The following CCDC62 variants were observed in gnomAD, a reference collection of about 807,000 sequenced individuals.
CCDC62 encodes coiled-coil domain-containing protein 62.
Under a neutral mutation model 80.8 loss-of-function variants are expected in CCDC62, and 72 were observed. The observed-to-expected ratio is 0.89, with a 90% CI of 0.74 to 1.08. The LOEUF (loss-of-function observed/expected upper bound fraction) is 1.08. CCDC62 is among the 50% of genes least tolerant of loss of function. CCDC62 has a pLI of 0.00. For synonymous variants in CCDC62, 286 were observed against 296.5 expected (o/e 0.96, Z 0.36); for missense variants, 704 against 809.4 (o/e 0.87, Z 1.58).
chr12:122,823,491 C>T lies in CCDC62; in HGVS notation c.*40+32C>T, dbSNP rs146352400. 3.7e-3 allele frequency: 3,690 copies of T among 1,008,764 alleles called. 12 individuals are homozygous for T. The highest frequency in any genetic ancestry group is 5.0e-3 in the Non-Finnish European group (3,192 of 636,562). The allele number at this position is 1,008,764 out of a possible 1,614,324, so 62.5% of individuals were successfully genotyped here. On this transcript the variant is annotated intron_variant, in intron 12 of 12. Coordinates refer to ENST00000253079, the MANE Select transcript of CCDC62 (RefSeq NM_201435.5). ...CACCTTTGCTTATCTCACCTTATAT[C>T]TCAATTAATATTTAATAAGTAACTT...
intron 4 of CCDC62, among the ~76,000 whole-genome samples, chr12:122,786,375 C>T (rs964921592): frequency 2.0e-5 from 3 of 151,944 alleles, no homozygotes; most frequent in Admixed American, 6.6e-5. Flanking sequence ...GTCTCGATCT[C>T]CTGACCTCGT....
rs759695202 is a variant in CCDC62, at chr12:122,813,275, A to G, written c.1857A>G (p.Ser619=). The part of the protein sequence containing the change: ...KDAPAFNEKA[S]IVLPSQDDFS... ...TGCCTCTTAATTTCCTGTAGGCTTC[A>G]ATTGTGTTACCCTCCCAGGATGATT... Residue 619 remains serine (S), a synonymous_variant, in exon 11 of 13, where the codon TCA becomes TCG. Transcript: ENST00000253079. 1 of 1,608,216 alleles carries G rather than the reference A, an allele frequency of 6.2e-7. No individual in the cohort carries two copies. The highest frequency in any genetic ancestry group is 8.5e-7 in the Non-Finnish European group (1 of 1,177,200).
chr12:122,817,707 T>A (rs1176320111), intron 11 of CCDC62, among the ~76,000 whole-genome samples: 1 of 152,202 alleles, frequency 6.6e-6, no homozygotes, highest in Non-Finnish European at 1.5e-5. Context: ...TCTCAACCTC[T>A]TTGTTAGGGT....
At chr12:122,796,771 A>G (rs898970269) in intron 6 of CCDC62, among the ~76,000 whole-genome samples, 4 of 152,144 alleles carry the variant, frequency 2.6e-5, no homozygotes, top group African/African-American at 9.7e-5. Flanking sequence ...TTTTAAATAA[A>G]TAATTGAAGT....
At chr12:122,810,921 C>CA (rs1271872502) in intron 10 of CCDC62, among the ~76,000 whole-genome samples, 6 of 142,652 alleles carry the variant, frequency 4.2e-5, no homozygotes, top group Non-Finnish European at 7.5e-5. Context: ...ATCACAAGGA[C>CA]AAAAAACCAA....
At chr12:122,777,242 G>T in intron 1 of CCDC62, 1 of 390,694 alleles carries the variant, frequency 2.6e-6, no homozygotes, top group African/African-American at 2.1e-5. Flanking sequence ...GTGGGTTTTA[G>T]AAACAGTCCC....
rs1033396585 is a variant in CCDC62, at chr12:122,774,592, G to T, written c.-79G>T. 1.5e-5 allele frequency: 17 copies of T among 1,122,072 alleles called. No homozygotes were observed. The highest frequency in any genetic ancestry group is 1.9e-5 in the Non-Finnish European group (17 of 880,914). The allele number at this position is 1,122,072 out of a possible 1,614,324, so 69.5% of individuals were successfully genotyped here. A position where few individuals can be genotyped will look rare whatever the true frequency, so the allele number is the denominator to read the frequency against. ...CCGGGGCTCCGGGCTCGCCCCCGCC[G>T]CTCGGGGCAGGCGCGCCGATGGCGT... On this transcript the variant is annotated 5_prime_UTR_variant, in exon 1 of 13. Transcript: ENST00000253079.
intron 10 of CCDC62, 21 bp from the exon 11 acceptor site, chr12:122,813,249 G>C (rs773073157): frequency 6.3e-7 from 1 of 1,584,792 alleles, no homozygotes; most frequent in Non-Finnish European, 8.6e-7. Context: ...GCATTTAAAG[G>C]TGCCTCTTAA....
chr12:122,810,485 A>G (rs1047971829), intron 10 of CCDC62, among the ~76,000 whole-genome samples: 3 of 152,234 alleles, frequency 2.0e-5, no homozygotes, highest in African/African-American at 7.2e-5. Context: ...ATCTCACACC[A>G]GTTAGAATGG....
At position 122,812,758 on chromosome 12, in the gene CCDC62, A is replaced by AGG. The variant is rs1187776801; in HGVS notation, c.1852-511_1852-510insGG. On this transcript the variant is annotated intron_variant, in intron 10 of 12. Transcript: ENST00000253079. ...AAAAGAAAGAGAGAGAGAGGGAGGG[A>AGG]GAGAGAGAGAGAGAGAGAGAGAAAG... Among the ~76,000 whole-genome samples, 8 of 67,086 alleles carry AGG rather than the reference A, an allele frequency of 1.2e-4. 1 individual carries two copies. The highest frequency in any genetic ancestry group is 1.7e-4 in the African/African-American group (3 of 17,532). The allele number at this position is 67,086 out of a possible 152,430, so 44.0% of individuals were successfully genotyped here. A position where few individuals can be genotyped will look rare whatever the true frequency, so the allele number is the denominator to read the frequency against.
intron 10 of CCDC62, among the ~76,000 whole-genome samples, chr12:122,812,523 G>A (rs1292003993): frequency 2.0e-5 from 3 of 149,502 alleles, no homozygotes; most frequent in South Asian, 2.1e-4. Flanking sequence ...GGCAGATCAC[G>A]AGGTCAGGAG....
At chr12:122,787,694 T>C (rs2030344439) in intron 4 of CCDC62, among the ~76,000 whole-genome samples, 1 of 150,828 alleles carries the variant, frequency 6.6e-6, no homozygotes, top group Admixed American at 6.6e-5. Flanking sequence ...GAGGTTGTGG[T>C]AAGCCGAGAT....
At chr12:122,799,241 C>T (rs2031147431) in intron 8 of CCDC62, among the ~76,000 whole-genome samples, 1 of 152,132 alleles carries the variant, frequency 6.6e-6, no homozygotes, top group African/African-American at 2.4e-5. Flanking sequence ...ATTTTCCCTT[C>T]TGTTGTGTAG....
chr12:122,775,387 A>G (rs532820488), intron 1 of CCDC62, among the ~76,000 whole-genome samples: 2 of 152,274 alleles, frequency 1.3e-5, no homozygotes, highest in East Asian at 3.9e-4. Flanking sequence ...TCAGTGTAAG[A>G]CGACCTGCCT....
intron 8 of CCDC62, among the ~76,000 whole-genome samples, chr12:122,800,077 T>G (rs1429744180): frequency 6.7e-6 from 1 of 149,946 alleles, no homozygotes; most frequent in Admixed American, 6.7e-5. Flanking sequence ...CACTGCAACC[T>G]CCACCTCCTG....
At chr12:122,805,442 C>G (rs1478462875) in intron 9 of CCDC62, among the ~76,000 whole-genome samples, 1 of 141,844 alleles carries the variant, frequency 7.1e-6, no homozygotes, top group African/African-American at 2.6e-5. Flanking sequence ...CTCCTGGGTT[C>G]AAGCAATTCT....
At chr12:122,820,574 TG>T (rs2032362504) in intron 11 of CCDC62, among the ~76,000 whole-genome samples, 2 of 152,128 alleles carry the variant, frequency 1.3e-5, no homozygotes, top group Admixed American at 1.3e-4. Flanking sequence ...CAAGGCACGG[TG>T]GTTCACGCCT....
chr12:122,777,228 C>G (rs1453860871), intron 1 of CCDC62: 1 of 354,980 alleles, frequency 2.8e-6, no homozygotes, highest in Non-Finnish European at 5.2e-6. Flanking sequence ...TATTTGTTTA[C>G]CCAGTGGGTT....
In CCDC62 at chr12:122,777,484, T is replaced by C. The variant is rs191689605; in HGVS notation, c.37-7T>C. 184 of 1,595,346 alleles carry C rather than the reference T, an allele frequency of 1.2e-4. 3 individuals carry two copies. In the African/African-American group the frequency reaches 1.9e-3, roughly 16 times the overall value. ...TATTTTGATGTGAAACCGCTTTCTA[T>C]GTTTAGAACATCGGGTCAGAAGTTG... On this transcript the variant is annotated splice_polypyrimidine_tract_variant and splice_region_variant and intron_variant, in intron 1 of 12. Transcript: ENST00000253079.
Sources: allele counts gnomAD v4.1 joint callset (sites outside exome capture counted in the v4.1 genomes callset), GRCh38; gene constraint gnomAD v4.1.1; transcripts MANE v1.5; gene names NCBI Gene and HGNC (gene_info 2026-07-23, HGNC 2026-07-21).